API5: variants seen among roughly 807,000 people sequenced by gnomAD.
API5 encodes FIF.
Under a neutral mutation model 71.9 loss-of-function variants are expected in API5, and 6 were observed. The observed-to-expected ratio is 0.08, with a 90% confidence interval of 0.05 to 0.16. The LOEUF (loss-of-function observed/expected upper bound fraction) is 0.16, where lower values mean the gene tolerates loss of function less well. Among genes scored for constraint, API5 ranks in the 10% least tolerant of loss-of-function variants. The pLI, the probability that API5 is intolerant of heterozygous loss-of-function variation, is 1.00. For missense variants in API5, 332 were observed against 612.8 expected (o/e 0.54, Z 4.84); for synonymous variants, 189 against 221.3 (o/e 0.85, Z 1.30).
intron 1 of API5, among the ~76,000 whole-genome samples, chr11:43,317,345 C>T (rs1854706688): frequency 6.6e-6 from 1 of 151,764 alleles, no homozygotes; most frequent in Admixed American, 6.6e-5. Flanking sequence ...CTTATTGATT[C>T]CTCCCATTAT....
rs541867660 is a variant in API5 at position 43,327,181 on chromosome 11, A to C, written c.855+570A>C. On this transcript the variant is annotated intron_variant, in intron 7 of 13. Coordinates refer to ENST00000531273, the MANE Select transcript of API5 (RefSeq NM_001142930.2). Reference sequence around the variant, plus strand: ...TGGAAATGCGTGTGCCATTTCCCTCATGGGTCTTTGGGATAGAGAAGAATC... The same window carrying C: ...TGGAAATGCGTGTGCCATTTCCCTCCTGGGTCTTTGGGATAGAGAAGAATC... 2.0e-5 allele frequency among the ~76,000 whole-genome samples: 3 copies of C among 152,322 alleles called. No individual in the cohort carries two copies. The East Asian group carries it at 5.8e-4, about 29-fold the overall frequency.
At chr11:43,339,648 CA>C (rs898664568) in intron 13 of API5, among the ~76,000 whole-genome samples, 2 of 152,090 alleles carry the variant, frequency 1.3e-5, no homozygotes, top group African/African-American at 4.8e-5. Flanking sequence ...CTCAGACGCA[CA>C]TACACACATA....
chr11:43,314,845 A>G (rs1854615879), intron 1 of API5, among the ~76,000 whole-genome samples: 1 of 152,244 alleles, frequency 6.6e-6, no homozygotes, highest in Non-Finnish European at 1.5e-5. Context: ...AAAAGACAGT[A>G]GGTTTTAGGA....
At chr11:43,321,205 A>G (rs1368326790) in intron 3 of API5, among the ~76,000 whole-genome samples, 1 of 152,148 alleles carries the variant, frequency 6.6e-6, no homozygotes, top group South Asian at 2.1e-4. Context: ...TAATTGTAGC[A>G]TCTTAATAAA....
intron 9 of API5, 54 bp from the exon 10 acceptor site, chr11:43,329,911 T>C: frequency 1.3e-6 from 2 of 1,518,932 alleles, no homozygotes; most frequent in Non-Finnish European, 1.8e-6. Context: ...AGATTGAGTT[T>C]AAAAACAAAA....
At chr11:43,325,302 T>C (rs192058905) in intron 6 of API5, among the ~76,000 whole-genome samples, 2 of 152,290 alleles carry the variant, frequency 1.3e-5, no homozygotes, top group Admixed American at 1.3e-4. Flanking sequence ...TGGTGAAGCT[T>C]GGTGGAAGAA....
At chr11:43,324,475 C>T (rs1329598101) in intron 6 of API5, among the ~76,000 whole-genome samples, 2 of 152,102 alleles carry the variant, frequency 1.3e-5, no homozygotes, top group African/African-American at 4.8e-5. Flanking sequence ...CTAGAGCAGG[C>T]GTGGTGGCCC....
At chr11:43,312,567 T>A (rs1854515522) in intron 1 of API5, among the ~76,000 whole-genome samples, 1 of 152,154 alleles carries the variant, frequency 6.6e-6, no homozygotes, top group Admixed American at 6.5e-5. Flanking sequence ...GATCGGGAGT[T>A]TTCTTCATGA....
At chr11:43,312,243 C>T in intron 1 of API5, 47 bp downstream of exon 1, 1 of 1,585,888 alleles carries the variant, frequency 6.3e-7, no homozygotes, top group South Asian at 1.1e-5. Flanking sequence ...GCTCCGCGGC[C>T]TTTCGAAAGC....
chr11:43,342,647 T>G lies in API5; in HGVS notation c.*137T>G. The G allele has an allele frequency of 1.2e-6, 1 of 852,442 alleles. No individual in the cohort carries two copies. The highest frequency in any genetic ancestry group is 1.9e-6 in the Non-Finnish European group (1 of 516,788). The allele number at this position is 852,442 out of a possible 1,614,324, so 52.8% of individuals were successfully genotyped here. A position where few individuals can be genotyped will look rare whatever the true frequency, so the allele number is the denominator to read the frequency against. On this transcript the variant is annotated 3_prime_UTR_variant, in exon 14 of 14. Transcript: ENST00000531273. Reference sequence around the variant, plus strand: ...ACTTAATGTTCTTTATACCTTTGTATGTATGACCTACTTTTGTAACAGACC... The same window carrying G: ...ACTTAATGTTCTTTATACCTTTGTAGGTATGACCTACTTTTGTAACAGACC...
intron 1 of API5, among the ~76,000 whole-genome samples, chr11:43,316,076 G>A (rs1056933152): frequency 8.5e-5 from 13 of 152,254 alleles, no homozygotes; most frequent in African/African-American, 2.2e-4. Context: ...CAGGGTTGGC[G>A]TGTAGGCTTC....
At chr11:43,312,289 G>GCGGCTTCATCCTCCCGGGGCCTC (rs1323312751) in intron 1 of API5, 93 bp downstream of exon 1, 1 of 1,401,142 alleles carries the variant, frequency 7.1e-7, no homozygotes, top group Non-Finnish European at 9.9e-7. Flanking sequence ...AGCGGGGGCT[G>GCGGCTTCATCCTCCCGGGGCCTC]CGGCTTCATC....
intron 3 of API5, 25 bp downstream of exon 3, chr11:43,320,939 T>C (rs756671428): frequency 2.3e-5 from 36 of 1,544,096 alleles, no homozygotes; most frequent in Non-Finnish European, 1.3e-5. Flanking sequence ...TATTACCTTT[T>C]TCTCTAAATA....
intron 13 of API5, among the ~76,000 whole-genome samples, chr11:43,341,508 T>A (rs1855612729): frequency 6.6e-6 from 1 of 152,102 alleles, no homozygotes; most frequent in African/African-American, 2.4e-5. Flanking sequence ...ACAATGCATG[T>A]TCTCACTCAT....
intron 13 of API5, 115 bp from the exon 14 acceptor site, chr11:43,342,309 ATTAG>A (rs1248020555): frequency 8.8e-6 from 7 of 795,568 alleles, no homozygotes; most frequent in Non-Finnish European, 1.4e-5. Flanking sequence ...ATAGCAGAAT[ATTAG>A]TTCTGTTCTT....
chr11:43,312,173 G>T lies in API5; in HGVS notation c.46G>T (p.Asp16Tyr), dbSNP rs1388246114. 6.2e-7 allele frequency: 1 copy of T among 1,613,916 alleles called. No individual in the cohort carries two copies. Among genetic ancestry groups the T allele is most frequent in the Non-Finnish European group, 8.5e-7 (1 of 1,179,902 alleles). Reference sequence around the variant, plus strand: ...TTACCGCAATTATGGCATCCTGGCCGATGCCACGGAGCAAGTGGGCCAGGT... The same window carrying T: ...TTACCGCAATTATGGCATCCTGGCCTATGCCACGGAGCAAGTGGGCCAGGT... The part of the protein sequence containing the change: ...ELYRNYGILA[D>Y]ATEQVGQHKD... Residue 16 changes from aspartate to tyrosine, a missense_variant, in exon 1 of 14, where the codon GAT becomes TAT. Around this residue, in one of 3 missense-constraint regions of API5, gnomAD observed 127 missense variants for 237.6 expected, o/e 0.53. Transcript: ENST00000531273.
At chr11:43,326,666 A>C (rs1855086593) in intron 7 of API5, 55 bp downstream of exon 7, 1 of 987,294 alleles carries the variant, frequency 1.0e-6, no homozygotes, top group Non-Finnish European at 1.6e-6. Context: ...TTTTAACAAA[A>C]ATGTAAACCA....
chr11:43,320,077 A>G (rs1358608069), intron 2 of API5, among the ~76,000 whole-genome samples: 3 of 114,750 alleles, frequency 2.6e-5, no homozygotes, highest in Non-Finnish European at 5.1e-5. Context: ...AAGGAGCCTT[A>G]CTCTATTGGC....
At chr11:43,332,649 G>A (rs1855296154) in intron 11 of API5, among the ~76,000 whole-genome samples, 1 of 152,008 alleles carries the variant, frequency 6.6e-6, no homozygotes, top group Admixed American at 6.6e-5. Context: ...GTGTGTTCTT[G>A]TTCATATTCC....
Sources: allele counts gnomAD v4.1 joint callset (sites outside exome capture counted in the v4.1 genomes callset), GRCh38; gene constraint gnomAD v4.1.1; regional missense constraint gnomAD v4.1.1; transcripts MANE v1.5; gene names NCBI Gene and HGNC (gene_info 2026-07-23, HGNC 2026-07-21).